PCDHGA9: variants seen among roughly 807,000 people sequenced by gnomAD.
The protein encoded by PCDHGA9 is protocadherin gamma-A9.
In PCDHGA9, 37 loss-of-function variants were observed where a neutral mutation model predicts 62.5. The observed-to-expected ratio is 0.59, with a 90% CI of 0.46 to 0.78. The LOEUF (loss-of-function observed/expected upper bound fraction) is 0.78. PCDHGA9 is among the 30% of genes least tolerant of loss of function. The probability of loss-of-function intolerance (pLI) is 0.00; values close to 1 mark genes in which losing one functional copy is unlikely to be tolerated. For missense variants in PCDHGA9, 1,138 were observed against 1,166.2 expected, an observed-to-expected ratio of 0.98 and a Z score of 0.35; for synonymous variants, 459 against 484.6, an observed-to-expected ratio of 0.95 and a Z score of 0.69.
chr5:141,454,832 G>A (rs1311246854), intron 1 of PCDHGA9, among the ~76,000 whole-genome samples: 2 of 75,830 alleles, frequency 2.6e-5, no homozygotes, highest in African/African-American at 1.3e-4. Context: ...TTTTGAGACA[G>A]AGTCGCGCTC....
In PCDHGA9 at chr5:141,486,005, A is replaced by G. The variant is rs1057476811; in HGVS notation, c.2425-8802A>G. On this transcript the variant is annotated intron_variant, in intron 1 of 3. Transcript: ENST00000573521. This position sits in a 1 kb window ranked among gnomAD's most constrained non-coding sequence, Gnocchi z 5.0. Reference sequence around the variant, plus strand: ...GGACCTGGGTCCCAGTGGTAACGTCACCTTTTATTTCAGTGGTCATACCCC... The same window carrying G: ...GGACCTGGGTCCCAGTGGTAACGTCGCCTTTTATTTCAGTGGTCATACCCC... 1.9e-6 allele frequency: 3 copies of G among 1,613,936 alleles called. No homozygotes were observed. The Admixed American group carries it at 5.0e-5, about 27-fold the overall frequency.
In PCDHGA9 at chr5:141,486,587, G is replaced by A. The variant is rs2099631441; in HGVS notation, c.2425-8220G>A. 6.2e-7 allele frequency: 1 copy of A among 1,613,478 alleles called. No homozygotes were observed. The highest frequency in any genetic ancestry group is 1.7e-5 in the Admixed American group (1 of 60,014). On this transcript the variant is annotated intron_variant, in intron 1 of 3. Coordinates refer to ENST00000573521, the MANE Select transcript of PCDHGA9 (RefSeq NM_018921.3). The surrounding 1 kb of genome is among the most constrained non-coding windows in gnomAD (Gnocchi z 5.0). ...TGTTCCTGAGAACAATCGCCCAGGGGACCTGCTTTGCTCCCTTGCAGCCTC... is the reference window on the plus strand; with the variant it reads ...TGTTCCTGAGAACAATCGCCCAGGGAACCTGCTTTGCTCCCTTGCAGCCTC...
chr5:141,415,423 G>T (rs2154545734), intron 1 of PCDHGA9: 1 of 1,614,204 alleles, frequency 6.2e-7, no homozygotes, highest in Non-Finnish European at 8.5e-7. Context: ...CGTGGACGGG[G>T]TTCGGGCTTT....
At chr5:141,510,272 TAA>T (rs546154379) in intron 3 of PCDHGA9, among the ~76,000 whole-genome samples, 46 of 130,286 alleles carry the variant, frequency 3.5e-4, no homozygotes, top group South Asian at 5.0e-4. Context: ...GACTCCATCT[TAA>T]AAAAAAAAAA....
intron 3 of PCDHGA9, 59 bp from the exon 4 acceptor site, chr5:141,510,888 A>C (rs2099883233): frequency 6.2e-7 from 1 of 1,612,646 alleles, no homozygotes. Flanking sequence ...GGGATATAAG[A>C]CAGTGACTGT....
intron 1 of PCDHGA9, chr5:141,427,469 C>A: frequency 2.0e-6 from 1 of 510,092 alleles, no homozygotes; most frequent in Non-Finnish European, 3.8e-6. Flanking sequence ...TCGAATCTTC[C>A]GCCAATAATG....
intron 1 of PCDHGA9, chr5:141,410,849 CTT>C (rs759346998): frequency 0.032 from 4,298 of 136,266 alleles, no homozygotes; most frequent in South Asian, 0.069. Flanking sequence ...TTGTCTTTGT[CTT>C]TTTTTTTTTT....
chr5:141,452,678 C>T (rs1311364057), intron 1 of PCDHGA9, among the ~76,000 whole-genome samples: 1 of 150,100 alleles, frequency 6.7e-6, no homozygotes, highest in African/African-American at 2.5e-5. Flanking sequence ...GCCTAGGCCA[C>T]AGAATGAAAC....
rs1363955978 is a variant in PCDHGA9 at position 141,403,243 on chromosome 5, T to C, written c.291T>C (p.Ala97=). The C allele has an allele frequency of 1.2e-6, 2 of 1,613,894 alleles. No homozygotes were observed. Among genetic ancestry groups the C allele is most frequent in the East Asian group, 4.5e-5 (2 of 44,882 alleles). ...AGRIDREELC[A]QSPRCLVNFK... ...GGATAGACCGGGAGGAGCTCTGTGC[T>C]CAGAGCCCGCGGTGTCTGGTGAACT... is the stretch of plus-strand genomic sequence containing the variant. The change falls in exon 1 of 4, where the codon GCT becomes GCC. Residue 97 remains alanine, a synonymous_variant. Transcript: ENST00000573521.
rs1430298222 is a variant in PCDHGA9, at chr5:141,476,741, A to C, written c.2425-18066A>C. ...CGCCCTGGACCGAGAACGGGAGCCTAGTCTCCAGTTAGTGCTGACGGCGTT... is the reference window on the plus strand; with the variant it reads ...CGCCCTGGACCGAGAACGGGAGCCTCGTCTCCAGTTAGTGCTGACGGCGTT... On this transcript the variant is annotated intron_variant, in intron 1 of 3. Coordinates refer to ENST00000573521, the MANE Select transcript of PCDHGA9 (RefSeq NM_018921.3). The surrounding 1 kb of genome is among the most constrained non-coding windows in gnomAD (Gnocchi z 7.6). 1 of 1,613,936 alleles carries C rather than the reference A, an allele frequency of 6.2e-7. No homozygotes were observed. Among genetic ancestry groups the C allele is most frequent in the South Asian group, 1.1e-5 (1 of 91,088 alleles).
In PCDHGA9 at chr5:141,423,465, G is replaced by A. The variant is rs762995150; in HGVS notation, c.2424+18089G>A. On this transcript the variant is annotated intron_variant, in intron 1 of 3. Coordinates refer to ENST00000573521, the MANE Select transcript of PCDHGA9 (RefSeq NM_018921.3). ...CGTCACATTTTGTAGGCGTGGACGG[G>A]GTACAGGCTTTCCTGCAAACCTATT... The A allele has an allele frequency of 2.6e-5, 42 of 1,614,006 alleles. 1 individual carries two copies. The Middle Eastern group carries it at 1.5e-3, about 57-fold the overall frequency.
Position 141,431,663 on chromosome 5 carries a change from T to G in PCDHGA9, c.2424+26287T>G, listed in dbSNP as rs2097405149. ...ACTAGATTGTAATTCAGGGACAATA[T>G]CAACAATAGGGGAGTTGGACCACGA... On this transcript the variant is annotated intron_variant, in intron 1 of 3. Coordinates refer to ENST00000573521, the MANE Select transcript of PCDHGA9 (RefSeq NM_018921.3). The surrounding 1 kb of genome is among the most constrained non-coding windows in gnomAD (Gnocchi z 4.8). The G allele has an allele frequency of 6.2e-7, 1 of 1,614,168 alleles. No individual in the cohort carries two copies.
intron 1 of PCDHGA9, among the ~76,000 whole-genome samples, chr5:141,448,975 T>C (rs888432093): frequency 6.6e-6 from 1 of 151,970 alleles, no homozygotes; most frequent in African/African-American, 2.4e-5. Flanking sequence ...AAAAAAGAAC[T>C]TCCATATTAA....
intron 1 of PCDHGA9, among the ~76,000 whole-genome samples, chr5:141,447,285 A>G (rs143024915): frequency 0.046 from 7,013 of 152,060 alleles, 241 homozygotes; most frequent in African/African-American, 0.093. Context: ...GACTACAGGC[A>G]CATGCCACCA....
At chr5:141,415,094 A>G in intron 1 of PCDHGA9, 1 of 1,613,530 alleles carries the variant, frequency 6.2e-7, no homozygotes, top group Non-Finnish European at 8.5e-7. Flanking sequence ...CTGGACAGAG[A>G]CGCGCTCAAG....
Position 141,431,154 on chromosome 5 carries a change from A to G in PCDHGA9, c.2424+25778A>G, listed in dbSNP as rs754200786. ...AGGGACATTAACGACAATGCGCCTT[A>G]CTTTCGTGAAAGTGAATTAGAAATA... On this transcript the variant is annotated intron_variant, in intron 1 of 3. Coordinates refer to ENST00000573521, the MANE Select transcript of PCDHGA9 (RefSeq NM_018921.3). The surrounding 1 kb of genome is among the most constrained non-coding windows in gnomAD (Gnocchi z 4.8). 1.1e-5 allele frequency: 18 copies of G among 1,614,136 alleles called. No homozygotes were observed. In the East Asian group the frequency reaches 4.0e-4, roughly 36 times the overall value.
At chr5:141,428,169 G>T (rs758370904) in intron 1 of PCDHGA9, 5 of 1,539,960 alleles carry the variant, frequency 3.2e-6, no homozygotes, top group South Asian at 2.2e-5. Context: ...GTTGCTGTGC[G>T]TGACGGAGGA....
In PCDHGA9 at chr5:141,409,398, A is replaced by G. The variant is rs186373896; in HGVS notation, c.2424+4022A>G. On this transcript the variant is annotated intron_variant, in intron 1 of 3. Transcript: ENST00000573521. Reference sequence around the variant, plus strand: ...CCATTCAAGATTTATTCTTCTTCCAATAACTACTACAAACTGGTGACAGAT... The same window carrying G: ...CCATTCAAGATTTATTCTTCTTCCAGTAACTACTACAAACTGGTGACAGAT... 9.6e-5 allele frequency: 155 copies of G among 1,614,050 alleles called. No individual in the cohort carries two copies. In the African/African-American group the frequency reaches 1.5e-3, roughly 16 times the overall value.
chr5:141,497,218 GA>G (rs1172998466), intron 2 of PCDHGA9, among the ~76,000 whole-genome samples: 1 of 149,792 alleles, frequency 6.7e-6, no homozygotes, highest in Non-Finnish European at 1.5e-5. Flanking sequence ...ATGGGGGGGG[GA>G]AGATCAGAGA....
Sources: gnomAD v4.1 joint callset for allele counts (sites outside exome capture counted in the v4.1 genomes callset) on GRCh38, gnomAD v4.1.1 for gene constraint, Gnocchi (gnomAD v3.1) non-coding constraint, MANE v1.5 for transcripts, NCBI Gene and HGNC (gene_info 2026-07-23, HGNC 2026-07-21) for gene names.